The following CYP39A1 variants were observed in gnomAD, a reference collection of about 807,000 sequenced individuals.
The protein encoded by CYP39A1 is 24-hydroxycholesterol 7-alpha-hydroxylase.
CYP39A1 carries 49 observed loss-of-function variants against 58.1 expected under a neutral mutation model. The ratio of observed to expected loss-of-function variants is 0.84; its 90% confidence interval spans 0.67 to 1.07. The LOEUF (loss-of-function observed/expected upper bound fraction) is 1.07, where lower values mean the gene tolerates loss of function less well. Among genes scored for constraint, CYP39A1 ranks in the 50% least tolerant of loss-of-function variants. The probability of loss-of-function intolerance (pLI) is 0.00; values close to 1 mark genes in which losing one functional copy is unlikely to be tolerated. For synonymous variants in CYP39A1, 209 were observed against 187.6 expected, an observed-to-expected ratio of 1.11 and a Z score of -0.93; for missense variants, 531 against 539.4, an observed-to-expected ratio of 0.98 and a Z score of 0.16.
chr6:46,626,142 A>G (rs1775298127), intron 6 of CYP39A1, among the ~76,000 whole-genome samples: 1 of 152,082 alleles, frequency 6.6e-6, no homozygotes, highest in Non-Finnish European at 1.5e-5. Context: ...AATATAGTAT[A>G]TTTGCACATT....
chr6:46,602,044 T>C (rs1773539929), intron 7 of CYP39A1, among the ~76,000 whole-genome samples: 1 of 152,168 alleles, frequency 6.6e-6, no homozygotes. Flanking sequence ...TGTGATTACA[T>C]GTGTTTCAGA....
intron 11 of CYP39A1, among the ~76,000 whole-genome samples, chr6:46,552,854 G>A (rs572426258): frequency 5.9e-5 from 9 of 151,890 alleles, no homozygotes; most frequent in Admixed American, 4.6e-4. Flanking sequence ...GGAGACCAGC[G>A]TGGCCAACAT....
intron 1 of CYP39A1, 41 bp downstream of exon 1, chr6:46,652,365 C>G (rs750669822): frequency 7.7e-6 from 12 of 1,552,334 alleles, no homozygotes; most frequent in Non-Finnish European, 1.0e-5. Flanking sequence ...AAAAAGAAAG[C>G]ATTGTCTCCT....
chr6:46,558,377 A>G (rs1019659554), intron 10 of CYP39A1, among the ~76,000 whole-genome samples: 2 of 152,178 alleles, frequency 1.3e-5, no homozygotes, highest in Non-Finnish European at 2.9e-5. Context: ...CCTTCTTCAC[A>G]TGGTGGCCGG....
intron 10 of CYP39A1, among the ~76,000 whole-genome samples, chr6:46,563,592 A>C (rs1388284678): frequency 1.3e-5 from 2 of 152,182 alleles, no homozygotes; most frequent in African/African-American, 4.8e-5. Context: ...AGGTCACAAT[A>C]ATATATAGAT....
At chr6:46,591,304 G>A (rs1217401696) in intron 8 of CYP39A1, among the ~76,000 whole-genome samples, 2 of 151,776 alleles carry the variant, frequency 1.3e-5, no homozygotes, top group African/African-American at 4.8e-5. Context: ...ATTGATTTGT[G>A]TCAGTTCTTT....
intron 10 of CYP39A1, among the ~76,000 whole-genome samples, chr6:46,558,252 T>A (rs1206137209): frequency 6.6e-6 from 1 of 151,974 alleles, no homozygotes; most frequent in Non-Finnish European, 1.5e-5. Flanking sequence ...ACTTGGGAAT[T>A]TATGAAAAAA....
At chr6:46,591,701 C>A (rs1772847319) in intron 8 of CYP39A1, among the ~76,000 whole-genome samples, 1 of 151,760 alleles carries the variant, frequency 6.6e-6, no homozygotes, top group African/African-American at 2.4e-5. Context: ...ATCATGAAAC[C>A]AAAAAGTTTG....
Position 46,652,489 on chromosome 6 carries a change from T to C in CYP39A1, c.94A>G (p.Ile32Val), listed in dbSNP as rs973310607. Residue 32 changes from isoleucine (I) to valine (V), a missense_variant, in exon 1 of 12, where the codon ATC (isoleucine) becomes GTC (valine). Physicochemically the swap from Ile to Val is conservative, Grantham distance 29. Transcript: ENST00000275016. ...CCAATCCAAGGAATCCAGCCCTTGA[T>C]GCACGGGGGTCTACGCAAATTCTTC... is the stretch of plus-strand genomic sequence containing the variant. ...QRKNLRRPPC[I>V]KGWIPWIGVG... 32 of 1,613,880 alleles carry C rather than the reference T, an allele frequency of 2.0e-5. No individual in the cohort carries two copies. The highest frequency in any genetic ancestry group is 2.6e-5 in the Non-Finnish European group (31 of 1,179,982).
chr6:46,628,898 T>C (rs1053290868), intron 6 of CYP39A1, among the ~76,000 whole-genome samples: 1 of 152,214 alleles, frequency 6.6e-6, no homozygotes, highest in Non-Finnish European at 1.5e-5. Context: ...AAAACTAGCA[T>C]TTATTGAAGA....
chr6:46,551,713 C>T (rs974670019), intron 11 of CYP39A1, among the ~76,000 whole-genome samples: 2 of 152,248 alleles, frequency 1.3e-5, no homozygotes, highest in South Asian at 4.1e-4. Flanking sequence ...GTTTCCAAGT[C>T]CACTGATTTC....
chr6:46,599,826 G>C (rs565643650), intron 7 of CYP39A1, among the ~76,000 whole-genome samples: 1 of 152,182 alleles, frequency 6.6e-6, no homozygotes, highest in African/African-American at 2.4e-5. Context: ...GGTCTAAAAG[G>C]CATCTCAAAG....
chr6:46,583,466 C>T, intron 10 of CYP39A1: 1 of 985,360 alleles, frequency 1.0e-6, no homozygotes, highest in Non-Finnish European at 1.2e-6. Flanking sequence ...CTTATTCCTC[C>T]ATTTAAATCG....
chr6:46,568,250 G>A (rs542002480), intron 10 of CYP39A1, among the ~76,000 whole-genome samples: 1 of 152,132 alleles, frequency 6.6e-6, no homozygotes, highest in African/African-American at 2.4e-5. Flanking sequence ...TCTGAATTGG[G>A]TTATTTTGTT....
intron 10 of CYP39A1, among the ~76,000 whole-genome samples, chr6:46,572,338 T>A (rs1473018652): frequency 6.6e-6 from 1 of 152,164 alleles, no homozygotes; most frequent in Admixed American, 6.5e-5. Flanking sequence ...CCTTTAGCAT[T>A]TCTTATAAGG....
chr6:46,550,589 C>T (rs990383784), intron 11 of CYP39A1, 152 bp from the exon 12 acceptor site: 9 of 597,582 alleles, frequency 1.5e-5, no homozygotes, highest in East Asian at 5.8e-5. Context: ...TTCACAATAT[C>T]CAACATCAAC....
At chr6:46,578,918 A>G (rs1164951945) in intron 10 of CYP39A1, among the ~76,000 whole-genome samples, 3 of 152,058 alleles carry the variant, frequency 2.0e-5, no homozygotes, top group Non-Finnish European at 4.4e-5. Context: ...TACTGAAATT[A>G]TTCAAAAAAG....
At chr6:46,617,895 C>T (rs1774710231) in intron 7 of CYP39A1, among the ~76,000 whole-genome samples, 1 of 152,116 alleles carries the variant, frequency 6.6e-6, no homozygotes, top group Admixed American at 6.6e-5. Flanking sequence ...CAATATTAGA[C>T]ATAAATAGTC....
At chr6:46,617,077 C>T (rs1333249602) in intron 7 of CYP39A1, among the ~76,000 whole-genome samples, 1 of 152,162 alleles carries the variant, frequency 6.6e-6, no homozygotes, top group Admixed American at 6.6e-5. Flanking sequence ...ACATAAACTA[C>T]AGACCATCGC....
Sources: allele counts gnomAD v4.1 joint callset (sites outside exome capture counted in the v4.1 genomes callset), GRCh38; gene constraint gnomAD v4.1.1; transcripts MANE v1.5; gene names NCBI Gene and HGNC (gene_info 2026-07-23, HGNC 2026-07-21).